The following CANX variants were observed in gnomAD, a reference collection of about 807,000 sequenced individuals.
CANX encodes epididymis secretory sperm binding protein.
A neutral mutation model predicts 75.7 loss-of-function variants in CANX; 14 were observed. The observed-to-expected ratio is 0.19, with a 90% CI of 0.12 to 0.29. The LOEUF is 0.29. CANX is among the 10% of genes least tolerant of loss of function. The probability of loss-of-function intolerance (pLI) is 1.00; values close to 1 mark genes in which losing one functional copy is unlikely to be tolerated. For missense variants in CANX, 567 were observed against 713.2 expected (o/e 0.79, Z 2.34); for synonymous variants, 227 against 236.9 (o/e 0.96, Z 0.38).
At chr5:179,685,596 C>T (rs1776177394) in intron 1 of CANX, among the ~76,000 whole-genome samples, 1 of 140,952 alleles carries the variant, frequency 7.1e-6, no homozygotes, top group Admixed American at 7.5e-5. Flanking sequence ...CTCTTGTTGC[C>T]CAGGCTGGAG....
intron 7 of CANX, among the ~76,000 whole-genome samples, chr5:179,712,734 A>AT (rs918950543): frequency 6.8e-6 from 1 of 147,874 alleles, no homozygotes; most frequent in Non-Finnish European, 1.5e-5. Context: ...TACCTTTTTA[A>AT]TTTTTTTGAG....
upstream of CANX, chr5:179,698,763 C>G: frequency 1.6e-6 from 1 of 639,944 alleles, no homozygotes; most frequent in Non-Finnish European, 2.4e-6. Context: ...CAGCCACTTC[C>G]TGCCTCACTC....
intron 7 of CANX, among the ~76,000 whole-genome samples, chr5:179,711,785 CAA>C (rs71001042): frequency 0.031 from 3,230 of 105,292 alleles, 54 homozygotes; most frequent in Non-Finnish European, 0.043. Flanking sequence ...GACTCTGTCT[CAA>C]AAAAAAAAAA....
At chr5:179,715,747 C>T (rs1474783542) in intron 7 of CANX, among the ~76,000 whole-genome samples, 1 of 151,610 alleles carries the variant, frequency 6.6e-6, no homozygotes, top group Non-Finnish European at 1.5e-5. Context: ...GTTGTAAGTC[C>T]ACGTATTTGT....
At chr5:179,704,849 A>T (rs1777020762) in intron 1 of CANX, among the ~76,000 whole-genome samples, 1 of 152,166 alleles carries the variant, frequency 6.6e-6, no homozygotes, top group Admixed American at 6.5e-5. Flanking sequence ...ATAAATAAAT[A>T]AAATATATAA....
intron 1 of CANX, 67 bp from the exon 2 acceptor site, chr5:179,705,611 TG>T (rs1562469461): frequency 9.7e-7 from 1 of 1,035,240 alleles, no homozygotes; most frequent in Non-Finnish European, 1.4e-6. Flanking sequence ...AATGAGAGAG[TG>T]GTTAGTGATC....
chr5:179,724,824 C>A (rs1778544885), intron 13 of CANX, 41 bp downstream of exon 13: 2 of 1,568,760 alleles, frequency 1.3e-6, no homozygotes, highest in East Asian at 4.8e-5. Context: ...AAGCCAAGAC[C>A]CTACGATGTT....
intron 1 of CANX, among the ~76,000 whole-genome samples, chr5:179,684,087 T>C (rs1039249331): frequency 3.3e-5 from 5 of 152,202 alleles, no homozygotes; most frequent in Non-Finnish European, 7.3e-5. Context: ...CTTTCATTTC[T>C]CTTAAGTAAA....
chr5:179,688,898 A>G (rs1776243336), intron 1 of CANX, among the ~76,000 whole-genome samples: 1 of 151,372 alleles, frequency 6.6e-6, no homozygotes, highest in Admixed American at 6.6e-5. Context: ...GCAGTGAGCC[A>G]TGATCGTACC....
At chr5:179,690,053 TTTTCA>T (rs1776273343) in intron 1 of CANX, among the ~76,000 whole-genome samples, 1 of 152,120 alleles carries the variant, frequency 6.6e-6, no homozygotes, top group Non-Finnish European at 1.5e-5. Context: ...ATCTGAAGAT[TTTTCA>T]GAGTTTTCCA....
At position 179,728,898 on chromosome 5, in the gene CANX, C is replaced by A; in HGVS notation, c.*254C>A. The stretch of plus-strand genomic sequence containing the variant: ...AATGGTTGTGAAATGTAACATGAAG[C>A]AAACTAACTTTTTTTTTTTTAACAT... On this transcript the variant is annotated 3_prime_UTR_variant, in exon 15 of 15. Coordinates refer to ENST00000247461, the MANE Select transcript of CANX (RefSeq NM_001746.4). 3.9e-6 allele frequency: 2 copies of A among 510,106 alleles called. No homozygotes were observed. The highest frequency in any genetic ancestry group is 2.0e-5 in the African/African-American group (1 of 48,846). The allele number at this position is 510,106 out of a possible 1,614,324, so 31.6% of individuals were successfully genotyped here.
chr5:179,689,393 T>TTTTTTG (rs1562438726), intron 1 of CANX, among the ~76,000 whole-genome samples: 2 of 144,772 alleles, frequency 1.4e-5, no homozygotes, highest in Non-Finnish European at 3.0e-5. Context: ...TTTTTTTTTT[T>TTTTTTG]TTTTTTTTTT....
At position 179,721,019 on chromosome 5, in the gene CANX, C is replaced by T. The variant is rs190644183; in HGVS notation, c.1182+459C>T. 9.9e-3 allele frequency among the ~76,000 whole-genome samples: 1,455 copies of T among 146,860 alleles called. 14 individuals are homozygous for T. The highest frequency in any genetic ancestry group is 0.015 in the Non-Finnish European group (985 of 66,470). On this transcript the variant is annotated intron_variant, in intron 10 of 14. Coordinates refer to ENST00000247461, the MANE Select transcript of CANX (RefSeq NM_001746.4). Reference sequence around the variant, plus strand: ...GGCTGGTCTCGAACTCCTGACCTCGCGATCCGCCCACCTCAACCTCCTAAA... The same window carrying T: ...GGCTGGTCTCGAACTCCTGACCTCGTGATCCGCCCACCTCAACCTCCTAAA...
chr5:179,698,504 G>A, upstream of CANX: 1 of 1,289,396 alleles, frequency 7.8e-7, no homozygotes, highest in South Asian at 1.2e-5. Context: ...CCTTCCTGAT[G>A]GCCGATCGTC....
At chr5:179,707,046 G>A in intron 3 of CANX, 86 bp from the exon 4 acceptor site, 2 of 800,468 alleles carry the variant, frequency 2.5e-6, no homozygotes, top group Non-Finnish European at 4.5e-6. Flanking sequence ...GAGCAGAATA[G>A]GTCCTACTTT....
Position 179,720,692 on chromosome 5 carries a change from C to T in CANX, c.1182+132C>T, listed in dbSNP as rs564205416. On this transcript the variant is annotated intron_variant, in intron 10 of 14. Coordinates refer to ENST00000247461, the MANE Select transcript of CANX (RefSeq NM_001746.4). ...GAATTAAAAGCAGAAAGTAGACTTC[C>T]TAAGTTGAAAGAGAGCTTAATGGGT... The T allele has an allele frequency of 1.2e-5, 9 of 769,788 alleles. No individual in the cohort carries two copies. In the East Asian group the frequency reaches 2.0e-4, roughly 17 times the overall value. The allele number at this position is 769,788 out of a possible 1,614,324, so 47.7% of individuals were successfully genotyped here.
In CANX at chr5:179,699,083, C is replaced by T. The variant is rs1776544987; in HGVS notation, c.-23C>T. 9.2e-7 allele frequency: 1 copy of T among 1,083,248 alleles called. No homozygotes were observed. The highest frequency in any genetic ancestry group is 2.1e-5 in the South Asian group (1 of 46,816). 67.1% of individuals were successfully genotyped at this position (1,083,248 alleles called of 1,614,324 possible). Reference sequence around the variant, plus strand: ...GCGGGAAGGGGCACGGGCACCCCCGCGGTCCCCGGGAGGCTAGAGGTGAGA... The same window carrying T: ...GCGGGAAGGGGCACGGGCACCCCCGTGGTCCCCGGGAGGCTAGAGGTGAGA... On this transcript the variant is annotated 5_prime_UTR_variant, in exon 1 of 15. Transcript: ENST00000247461.
upstream of CANX, chr5:179,694,417 G>T: frequency 1.6e-6 from 1 of 637,182 alleles, no homozygotes; most frequent in Non-Finnish European, 2.8e-6. Flanking sequence ...GAAATGAAGG[G>T]ACCAGCTAAG....
Position 179,680,680 on chromosome 5 carries a change from C to T in CANX, c.-4+1903C>T, listed in dbSNP as rs372744567. ...CCATTTTGCTCACTTCTCTCTGCAC[C>T]CCCCACCCCTGCCCAGTAAGTGCTG... On this transcript the variant is annotated intron_variant, in intron 1 of 14. Transcript: ENST00000681674. Among the ~76,000 whole-genome samples the T allele has an allele frequency of 2.8e-4, 42 of 152,144 alleles. No homozygotes were observed. In the South Asian group the frequency reaches 8.7e-3, roughly 32 times the overall value.
Sources: allele counts gnomAD v4.1 joint callset (sites outside exome capture counted in the v4.1 genomes callset), GRCh38; gene constraint gnomAD v4.1.1; transcripts MANE v1.5; gene names NCBI Gene and HGNC (gene_info 2026-07-23, HGNC 2026-07-21).